The following LHFPL1 variants were observed in gnomAD, a reference collection of about 807,000 sequenced individuals.
LHFPL1 encodes the protein LHFPL tetraspan subfamily member 1.
Under a neutral mutation model 12.1 loss-of-function variants are expected in LHFPL1, and 4 were observed. The observed-to-expected ratio is 0.33, with a 90% CI of 0.16 to 0.76. The LOEUF is 0.76. LHFPL1 is among the 30% of genes least tolerant of loss of function. The probability of loss-of-function intolerance (pLI) is 0.61; values close to 1 mark genes in which losing one functional copy is unlikely to be tolerated. For synonymous variants in LHFPL1, 52 were observed against 61.9 expected (o/e 0.84, Z 0.75); for missense variants, 141 against 174.1 (o/e 0.81, Z 1.07).
intron 2 of LHFPL1, 64 bp downstream of exon 2, chrX:112,670,945 C>T: frequency 8.9e-7 from 1 of 1,121,809 alleles, no homozygotes; most frequent in South Asian, 2.0e-5. Context: ...CATAAGGCTA[C>T]ACTCCCCACT....
At chrX:112,645,009 C>T (rs1228142430) in intron 3 of LHFPL1, among the ~76,000 whole-genome samples, 1 of 112,201 alleles carries the variant, frequency 8.9e-6, no homozygotes, top group African/African-American at 3.2e-5. Context: ...ACAGGGAGCA[C>T]ACACATGGCT....
At chrX:112,679,621 C>G (rs1176911681) in intron 1 of LHFPL1, among the ~76,000 whole-genome samples, 2 of 111,614 alleles carry the variant, frequency 1.8e-5, no homozygotes, top group African/African-American at 6.5e-5. Flanking sequence ...AGCCCTGATT[C>G]ATCTTAGCCT....
chrX:112,631,660 T>A, intron 3 of LHFPL1, 59 bp from the exon 4 acceptor site: 1 of 845,529 alleles, frequency 1.2e-6, no homozygotes, highest in African/African-American at 2.0e-5. Context: ...TTCTCTTTGG[T>A]AATGAACTAT....
At chrX:112,651,808 A>G (rs189349011) in intron 3 of LHFPL1, among the ~76,000 whole-genome samples, 356 of 112,246 alleles carry the variant, frequency 3.2e-3, no homozygotes, top group Non-Finnish European at 5.2e-3. Flanking sequence ...CAACACTGCC[A>G]GAGGAAACTT....
At chrX:112,634,525 C>G (rs1186737898) in intron 3 of LHFPL1, among the ~76,000 whole-genome samples, 2 of 111,833 alleles carry the variant, frequency 1.8e-5, no homozygotes, top group African/African-American at 6.5e-5. Context: ...AGGTCATCCC[C>G]TCATTTGAGT....
At position 112,662,996 on chromosome X, in the gene LHFPL1, T is replaced by C. The variant is rs185238377; in HGVS notation, c.383-2271A>G. On this transcript the variant is annotated intron_variant, in intron 2 of 3. Coordinates refer to ENST00000371968, the MANE Select transcript of LHFPL1 (RefSeq NM_178175.4). ...TTTCTAACCTTCACATTCAGATCCC[T>C]GGGACTGGCACGAACTCTGCCTTCT... Among the ~76,000 whole-genome samples the C allele has an allele frequency of 2.9e-4, 32 of 111,975 alleles. No homozygotes were observed. The East Asian group carries it at 7.6e-3, about 27-fold the overall frequency.
At chrX:112,678,941 T>TA (rs1931728781) in intron 1 of LHFPL1, among the ~76,000 whole-genome samples, 2 of 111,874 alleles carry the variant, frequency 1.8e-5, no homozygotes, top group East Asian at 5.6e-4. Flanking sequence ...CCTCTGAGTT[T>TA]TGGTTTCATT....
At chrX:112,632,882 C>T (rs1227284226) in intron 3 of LHFPL1, among the ~76,000 whole-genome samples, 1 of 111,178 alleles carries the variant, frequency 9.0e-6, no homozygotes, top group Non-Finnish European at 1.9e-5. Context: ...CAAGTCATGT[C>T]TCATGCTGTT....
At chrX:112,648,798 A>G (rs191069588) in intron 3 of LHFPL1, 2 of 111,333 alleles carry the variant, frequency 1.8e-5, no homozygotes, top group African/African-American at 6.5e-5. Context: ...TTTATTATGG[A>G]CTCTGTGTTA....
chrX:112,676,144 T>C (rs894501306), intron 1 of LHFPL1, among the ~76,000 whole-genome samples: 1 of 112,383 alleles, frequency 8.9e-6, no homozygotes, highest in Non-Finnish European at 1.9e-5. Flanking sequence ...CCACCTGCAA[T>C]GGAGTAATCT....
At chrX:112,676,856 T>A (rs1181858275) in intron 1 of LHFPL1, among the ~76,000 whole-genome samples, 1 of 112,154 alleles carries the variant, frequency 8.9e-6, no homozygotes, top group African/African-American at 3.2e-5. Flanking sequence ...GATCCTTTTG[T>A]TGGGTCCTCA....
intron 3 of LHFPL1, among the ~76,000 whole-genome samples, chrX:112,633,441 C>T (rs973858608): frequency 1.7e-4 from 19 of 112,437 alleles, no homozygotes; most frequent in Admixed American, 7.5e-4. Flanking sequence ...TGCACGTGTA[C>T]GCATATACTT....
chrX:112,669,358 T>C (rs1931426852), intron 2 of LHFPL1, among the ~76,000 whole-genome samples: 1 of 112,739 alleles, frequency 8.9e-6, no homozygotes, highest in Non-Finnish European at 1.9e-5. Context: ...CAAAGCCAGC[T>C]AAGATAATTG....
At position 112,671,022 on chromosome X, in the gene LHFPL1, C is replaced by G. The variant is rs753765900; in HGVS notation, c.369G>C (p.Ala123=). 3 of 1,209,660 alleles carry G rather than the reference C, an allele frequency of 2.5e-6. No homozygotes were observed. The Admixed American group carries it at 6.5e-5, about 26-fold the overall frequency. ...GCACAGTCTTACCTCCAACAAACTGCGCTGCTCCCATGCAACGTCCCATCA... is the reference window on the plus strand; with the variant it reads ...GCACAGTCTTACCTCCAACAAACTGGGCTGCTCCCATGCAACGTCCCATCA... ...SRMMGRCMGA[A]QFVGGLLISS... is the part of the protein sequence containing the mutation. Residue 123 remains alanine (A), a synonymous_variant, in exon 2 of 4, where the codon GCG becomes GCC. Transcript: ENST00000371968.
At chrX:112,634,724 A>G (rs1245631001) in intron 3 of LHFPL1, among the ~76,000 whole-genome samples, 1 of 111,476 alleles carries the variant, frequency 9.0e-6, no homozygotes, top group Non-Finnish European at 1.9e-5. Flanking sequence ...TGAAGTCAGA[A>G]CCAGGTATCA....
chrX:112,639,897 C>T (rs1930453650), intron 3 of LHFPL1, among the ~76,000 whole-genome samples: 1 of 111,783 alleles, frequency 8.9e-6, no homozygotes, highest in Non-Finnish European at 1.9e-5. Context: ...GAGCTTTGGG[C>T]GCTCTCCTCA....
intron 3 of LHFPL1, among the ~76,000 whole-genome samples, chrX:112,639,537 C>T (rs1332485026): frequency 2.7e-5 from 3 of 111,595 alleles, no homozygotes; most frequent in African/African-American, 9.8e-5. Flanking sequence ...AGAGCCAAGT[C>T]CTCATGACGA....
intron 1 of LHFPL1, among the ~76,000 whole-genome samples, chrX:112,677,595 C>G (rs1931685646): frequency 9.1e-6 from 1 of 109,804 alleles, no homozygotes; most frequent in African/African-American, 3.3e-5. Flanking sequence ...CGATGTGACT[C>G]CTTATATCAA....
At chrX:112,679,016 G>A (rs980735769) in intron 1 of LHFPL1, among the ~76,000 whole-genome samples, 3 of 111,624 alleles carry the variant, frequency 2.7e-5, no homozygotes, top group Non-Finnish European at 5.6e-5. Context: ...TAACACCAGA[G>A]TAGGTATCAA....
Sources: gnomAD v4.1 joint callset for allele counts (sites outside exome capture counted in the v4.1 genomes callset) on GRCh38, gnomAD v4.1.1 for gene constraint, MANE v1.5 for transcripts, NCBI Gene and HGNC (gene_info 2026-07-23, HGNC 2026-07-21) for gene names.